The following SMC1A variants were observed in gnomAD, a reference collection of about 807,000 sequenced individuals.
The protein encoded by SMC1A is structural maintenance of chromosomes 1A, also known as structural maintenance of chromosomes protein 1A.
In SMC1A, 4 loss-of-function variants were observed where a neutral mutation model predicts 94.5. That is an observed-to-expected ratio of 0.04 (90% CI 0.02 to 0.10). The LOEUF is 0.10. Ranked by LOEUF, SMC1A falls within the 10% of genes least tolerant of loss-of-function variation. The pLI is 1.00. For missense variants in SMC1A, 304 were observed against 989.0 expected (o/e 0.31, Z 9.29); for synonymous variants, 345 against 347.7 (o/e 0.99, Z 0.09).
intron 19 of SMC1A, among the ~76,000 whole-genome samples, chrX:53,393,324 G>A (rs2075636850): frequency 1.9e-5 from 2 of 108,080 alleles, no homozygotes; most frequent in African/African-American, 6.7e-5. Context: ...AAATACGAAG[G>A]AAAAAAATAA....
At chrX:53,400,488 G>A (rs782670767) in intron 15 of SMC1A, among the ~76,000 whole-genome samples, 1 of 111,461 alleles carries the variant, frequency 9.0e-6, no homozygotes, top group African/African-American at 3.3e-5. Flanking sequence ...GAACCACACC[G>A]AGTCCACGAT....
chrX:53,397,513 G>A (rs940377414), intron 16 of SMC1A, among the ~76,000 whole-genome samples: 1 of 111,322 alleles, frequency 9.0e-6, no homozygotes, highest in East Asian at 2.8e-4. Flanking sequence ...CCTGGGAGGC[G>A]GAGGTTGCAG....
At position 53,415,087 on chromosome X, in the gene SMC1A, C is replaced by G. The variant is rs2146606701; in HGVS notation, c.192G>C (p.Leu64=). 1 of 1,210,912 alleles carries G rather than the reference C, an allele frequency of 8.3e-7. No individual in the cohort carries two copies. Among genetic ancestry groups the G allele is most frequent in the South Asian group, 1.8e-5 (1 of 56,909 alleles). Residue 64 remains leucine, a synonymous_variant, in exon 2 of 25, where the codon CTG becomes CTC. Transcript: ENST00000322213. Reference sequence around the variant, plus strand: ...GCTTGCCCACAGGAGCTCCATGGATCAGGTCCCGCAGGGTCTTTACCCGCA... The same window carrying G: ...GCTTGCCCACAGGAGCTCCATGGATGAGGTCCCGCAGGGTCTTTACCCGCA... ...SNLRVKTLRD[L]IHGAPVGKPA... is the part of the protein sequence containing the mutation.
In SMC1A at chrX:53,379,759, A is replaced by G. The variant is rs782758415; in HGVS notation, c.*344T>C. 1.7e-5 allele frequency: 5 copies of G among 299,186 alleles called. No individual in the cohort carries two copies. Among genetic ancestry groups the G allele is most frequent in the African/African-American group, 1.3e-4 (5 of 38,078 alleles). The allele number at this position is 299,186 out of a possible 1,213,427, so 24.7% of individuals were successfully genotyped here. A position where few individuals can be genotyped will look rare whatever the true frequency, so the allele number is the denominator to read the frequency against. ...CATACTCACATGCACACATGCGGAT[A>G]CATACATACACACATACATACCCAC... On this transcript the variant is annotated 3_prime_UTR_variant, in exon 25 of 25. Coordinates refer to ENST00000322213, the MANE Select transcript of SMC1A (RefSeq NM_006306.4).
chrX:53,408,937 C>T, intron 9 of SMC1A, 125 bp downstream of exon 9: 1 of 636,843 alleles, frequency 1.6e-6, no homozygotes, highest in Non-Finnish European at 2.5e-6. Flanking sequence ...TTTTAAACCT[C>T]TCCGAGCCTC....
rs1036876646 is a variant in SMC1A at position 53,379,909 on chromosome X, C to T, written c.*194G>A. 2 of 460,031 alleles carry T rather than the reference C, an allele frequency of 4.3e-6. No homozygotes were observed. Among genetic ancestry groups the T allele is most frequent in the Non-Finnish European group, 3.9e-6 (1 of 258,104 alleles). 37.9% of individuals were successfully genotyped at this position (460,031 alleles called of 1,213,427 possible). On this transcript the variant is annotated 3_prime_UTR_variant, in exon 25 of 25. Coordinates refer to ENST00000322213, the MANE Select transcript of SMC1A (RefSeq NM_006306.4). ...ACCTCCTTTCAGAGGCCAGAATACTCCCTGTCGTTCAGGAATTTTTGCTCC... is the reference window on the plus strand; with the variant it reads ...ACCTCCTTTCAGAGGCCAGAATACTTCCTGTCGTTCAGGAATTTTTGCTCC...
chrX:53,413,211 A>G, intron 4 of SMC1A, 21 bp downstream of exon 4: 1 of 1,211,901 alleles, frequency 8.3e-7, no homozygotes, highest in Non-Finnish European at 1.1e-6. Context: ...CTCAGAGCCA[A>G]GAGGTAGCTT....
chrX:53,403,961 T>C (rs997523692), intron 13 of SMC1A, 68 bp from the exon 14 acceptor site: 5 of 754,547 alleles, frequency 6.6e-6, no homozygotes, highest in South Asian at 2.1e-5. Flanking sequence ...CTTGACTGCA[T>C]TGGCCCCACA....
intron 19 of SMC1A, among the ~76,000 whole-genome samples, chrX:53,389,117 GTTT>G (rs782693840): frequency 4.7e-5 from 4 of 84,597 alleles, no homozygotes; most frequent in Non-Finnish European, 4.7e-5. Flanking sequence ...AACCATTTTT[GTTT>G]TTTTTTTTTT....
At chrX:53,405,458 C>T (rs781840129) in intron 11 of SMC1A, 35 bp downstream of exon 11, 1 of 1,211,136 alleles carries the variant, frequency 8.3e-7, no homozygotes, top group Non-Finnish European at 1.1e-6. Context: ...AGTACTGAGC[C>T]TGTCCAGCTC....
chrX:53,415,567 T>C (rs1261192750), intron 1 of SMC1A, among the ~76,000 whole-genome samples: 1 of 108,412 alleles, frequency 9.2e-6, no homozygotes, highest in East Asian at 2.9e-4. Context: ...CTCGGGAGGC[T>C]GAGGCAGGAG....
chrX:53,403,020 A>T (rs2146597655), intron 15 of SMC1A, among the ~76,000 whole-genome samples: 1 of 102,356 alleles, frequency 9.8e-6, no homozygotes, highest in South Asian at 4.7e-4. Flanking sequence ...CAACAACAAC[A>T]AAAAACAAAA....
chrX:53,389,516 G>A (rs1177517631), intron 19 of SMC1A, among the ~76,000 whole-genome samples: 9 of 111,109 alleles, frequency 8.1e-5, no homozygotes, highest in Non-Finnish European at 1.5e-4. Flanking sequence ...GGATCACAAA[G>A]TCAGGAGTTC....
chrX:53,405,424 G>T, intron 11 of SMC1A, 33 bp from the exon 12 acceptor site: 1 of 1,211,177 alleles, frequency 8.3e-7, no homozygotes, highest in Non-Finnish European at 1.1e-6. Flanking sequence ...AGAAGAGGGG[G>T]AGAAGCTGAA....
chrX:53,418,646 C>T (rs2075741608), intron 1 of SMC1A, among the ~76,000 whole-genome samples: 1 of 112,368 alleles, frequency 8.9e-6, no homozygotes, highest in East Asian at 2.8e-4. Flanking sequence ...GTTGCCTAGG[C>T]TGGTCTCAAA....
chrX:53,375,930 T>C lies in SMC1A; in HGVS notation c.*4173A>G, dbSNP rs2075558292. 1 of 112,449 alleles carries C rather than the reference T, an allele frequency of 8.9e-6. No individual in the cohort carries two copies. The highest frequency in any genetic ancestry group is 1.9e-5 in the Non-Finnish European group (1 of 53,248). The allele number at this position is 112,449 out of a possible 1,213,427, so 9.3% of individuals were successfully genotyped here. ...TGCAGGCCTCCTGGTCTTTTTCCAG[T>C]CTCCTAGCTAATCTTGTCATCTCCA... On this transcript the variant is annotated 3_prime_UTR_variant, in exon 25 of 25. Coordinates refer to ENST00000322213, the MANE Select transcript of SMC1A (RefSeq NM_006306.4).
chrX:53,404,971 T>C (rs1205881867), intron 13 of SMC1A, 41 bp downstream of exon 13: 1 of 1,172,876 alleles, frequency 8.5e-7, no homozygotes, highest in African/African-American at 1.8e-5. Context: ...CAGGAATGTG[T>C]GGATGGCCTT....
chrX:53,382,741 C>A (rs2075589497), intron 20 of SMC1A, 81 bp from the exon 21 acceptor site: 4 of 1,109,412 alleles, frequency 3.6e-6, no homozygotes, highest in Non-Finnish European at 4.9e-6. Context: ...AGGAACATCC[C>A]ACTGAGAGAG....
At position 53,405,683 on chromosome X, in the gene SMC1A, A is replaced by C; in HGVS notation, c.1732-11T>G. On this transcript the variant is annotated splice_polypyrimidine_tract_variant and intron_variant, in intron 10 of 24. Transcript: ENST00000322213. ...ATCTGTAGGCTTCACCTGTGGGGAGAAGCTCAGTCAGTGGCAGAACACAAA... is the reference window on the plus strand; with the variant it reads ...ATCTGTAGGCTTCACCTGTGGGGAGCAGCTCAGTCAGTGGCAGAACACAAA... 2 of 1,210,972 alleles carry C rather than the reference A, an allele frequency of 1.7e-6. No individual in the cohort carries two copies. Among genetic ancestry groups the C allele is most frequent in the Non-Finnish European group, 2.2e-6 (2 of 895,154 alleles).
Sources: allele counts gnomAD v4.1 joint callset (sites outside exome capture counted in the v4.1 genomes callset), GRCh38; gene constraint gnomAD v4.1.1; transcripts MANE v1.5; gene names NCBI Gene and HGNC (gene_info 2026-07-23, HGNC 2026-07-21).